KCNT2: variants seen among roughly 807,000 people sequenced by gnomAD.
KCNT2 encodes the protein potassium sodium-activated channel subfamily T member 2.
Under a neutral mutation model 153.8 loss-of-function variants are expected in KCNT2, and 67 were observed. That is an observed-to-expected ratio of 0.44 (90% CI 0.36 to 0.53). The LOEUF (loss-of-function observed/expected upper bound fraction) is 0.53, where lower values mean the gene tolerates loss of function less well. Among genes scored for constraint, KCNT2 ranks in the 20% least tolerant of loss-of-function variants. The pLI, the probability that KCNT2 is intolerant of heterozygous loss-of-function variation, is 0.00. For synonymous variants in KCNT2, 500 were observed against 458.8 expected (o/e 1.09, Z -1.15); for missense variants, 975 against 1,354.8 (o/e 0.72, Z 4.40).
chr1:196,309,496 G>A (rs1049072165), intron 21 of KCNT2, among the ~76,000 whole-genome samples: 3 of 151,784 alleles, frequency 2.0e-5, no homozygotes, highest in Admixed American at 6.6e-5. Flanking sequence ...CATAATTTAC[G>A]TGATGTGCCT....
At chr1:196,267,788 C>T (rs1208163133) in intron 25 of KCNT2, among the ~76,000 whole-genome samples, 1 of 152,128 alleles carries the variant, frequency 6.6e-6, no homozygotes. Flanking sequence ...CATCACCCTG[C>T]AAGTCTGACA....
chr1:196,530,933 A>G (rs1654852653), intron 1 of KCNT2, among the ~76,000 whole-genome samples: 1 of 152,052 alleles, frequency 6.6e-6, no homozygotes, highest in South Asian at 2.1e-4. Flanking sequence ...CTATTTAATT[A>G]TTACTTTGGC....
intron 8 of KCNT2, among the ~76,000 whole-genome samples, chr1:196,432,052 G>C (rs74136542): frequency 0.053 from 8,034 of 152,094 alleles, 379 homozygotes; most frequent in African/African-American, 0.12. Flanking sequence ...CACGTTTGGG[G>C]CCTCAAGAGT....
intron 1 of KCNT2, among the ~76,000 whole-genome samples, chr1:196,528,104 T>TA (rs1227192468): frequency 2.6e-5 from 4 of 152,320 alleles, no homozygotes; most frequent in Non-Finnish European, 5.9e-5. Flanking sequence ...ATTAAAACCT[T>TA]ACGTTTTTTC....
At chr1:196,590,199 C>T (rs1558112871) in intron 1 of KCNT2, among the ~76,000 whole-genome samples, 2 of 152,248 alleles carry the variant, frequency 1.3e-5, no homozygotes, top group East Asian at 1.9e-4. Context: ...GCCAAGTATA[C>T]TGCTACTTGC....
At chr1:196,519,746 G>T (rs1262873988) in intron 1 of KCNT2, among the ~76,000 whole-genome samples, 1 of 152,018 alleles carries the variant, frequency 6.6e-6, no homozygotes, top group Non-Finnish European at 1.5e-5. Context: ...GAACCAGGAA[G>T]AAATTGATTC....
intron 21 of KCNT2, among the ~76,000 whole-genome samples, chr1:196,310,632 C>A (rs1288176537): frequency 2.0e-5 from 3 of 151,678 alleles, no homozygotes; most frequent in Non-Finnish European, 4.4e-5. Context: ...AAGATTATGA[C>A]TACTTGTGCC....
chr1:196,320,139 C>T (rs913279640), intron 19 of KCNT2, among the ~76,000 whole-genome samples: 13 of 151,622 alleles, frequency 8.6e-5, no homozygotes, highest in South Asian at 2.1e-4. Flanking sequence ...TATTGATATA[C>T]TCTCTATATA....
At chr1:196,590,579 G>A (rs1251169335) in intron 1 of KCNT2, among the ~76,000 whole-genome samples, 2 of 152,132 alleles carry the variant, frequency 1.3e-5, no homozygotes, top group East Asian at 1.9e-4. Flanking sequence ...TCCAGATAAT[G>A]TAGGACATGC....
intron 16 of KCNT2, among the ~76,000 whole-genome samples, chr1:196,337,488 A>G (rs575624538): frequency 1.3e-5 from 2 of 152,040 alleles, no homozygotes; most frequent in African/African-American, 2.4e-5. Flanking sequence ...TAGAAGCTGC[A>G]ATCCCATATG....
chr1:196,474,146 G>A (rs1360828419), intron 5 of KCNT2, among the ~76,000 whole-genome samples: 2 of 151,856 alleles, frequency 1.3e-5, no homozygotes, highest in East Asian at 3.9e-4. Context: ...AAAAATATGC[G>A]ATTTTCTAAA....
intron 14 of KCNT2, among the ~76,000 whole-genome samples, chr1:196,354,955 C>T (rs1667048970): frequency 2.6e-5 from 4 of 151,612 alleles, no homozygotes; most frequent in South Asian, 2.1e-4. Flanking sequence ...TGTTAGGAAT[C>T]CACAGTTTAG....
chr1:196,297,855 T>C (rs1055562473), intron 22 of KCNT2, among the ~76,000 whole-genome samples: 1 of 152,148 alleles, frequency 6.6e-6, no homozygotes, highest in Non-Finnish European at 1.5e-5. Flanking sequence ...TGTTTTCATA[T>C]ATCTGTGTCA....
At chr1:196,436,095 A>C (rs2148566849) in intron 8 of KCNT2, among the ~76,000 whole-genome samples, 2 of 151,416 alleles carry the variant, frequency 1.3e-5, no homozygotes, top group East Asian at 3.9e-4. Context: ...TTTGATTTAA[A>C]AACAGAGAAT....
chr1:196,313,539 T>C (rs577567393), intron 21 of KCNT2, among the ~76,000 whole-genome samples: 2 of 151,722 alleles, frequency 1.3e-5, no homozygotes, highest in East Asian at 3.9e-4. Flanking sequence ...CTCCCAAGTC[T>C]GTGTGATTTT....
chr1:196,423,397 T>C (rs889798324), intron 11 of KCNT2, among the ~76,000 whole-genome samples: 1 of 151,880 alleles, frequency 6.6e-6, no homozygotes, highest in African/African-American at 2.4e-5. Context: ...ATATTTTATA[T>C]GCATGCTTTG....
chr1:196,466,176 G>C (rs977633474), intron 7 of KCNT2, among the ~76,000 whole-genome samples: 1 of 152,034 alleles, frequency 6.6e-6, no homozygotes, highest in East Asian at 1.9e-4. Flanking sequence ...AATGTATCCT[G>C]TCTTGTTTGA....
chr1:196,504,104 T>C (rs754588520), intron 1 of KCNT2, among the ~76,000 whole-genome samples: 15 of 152,148 alleles, frequency 9.9e-5, no homozygotes, highest in Non-Finnish European at 7.4e-5. Flanking sequence ...ATTATTATAC[T>C]TTAAGTTTTA....
intron 1 of KCNT2, among the ~76,000 whole-genome samples, chr1:196,531,888 T>C (rs931104719): frequency 6.6e-6 from 1 of 152,044 alleles, no homozygotes; most frequent in Non-Finnish European, 1.5e-5. Context: ...ATGTGGAAGT[T>C]ACAGAAAGTG....
Sources: gnomAD v4.1 joint callset for allele counts (sites outside exome capture counted in the v4.1 genomes callset) on GRCh38, gnomAD v4.1.1 for gene constraint, MANE v1.5 for transcripts, NCBI Gene and HGNC (gene_info 2026-07-23, HGNC 2026-07-21) for gene names.